FSIP1: variants seen among roughly 807,000 people sequenced by gnomAD.
FSIP1 encodes fibrous sheath interacting protein 1.
FSIP1 carries 65 observed loss-of-function variants against 60.9 expected under a neutral mutation model. The observed-to-expected ratio is 1.07, with a 90% CI of 0.87 to 1.31. The LOEUF (loss-of-function observed/expected upper bound fraction) is 1.31. Among genes scored for constraint, FSIP1 ranks in the 40% most tolerant of loss-of-function variants. The probability of loss-of-function intolerance (pLI) is 0.00; values close to 1 mark genes in which losing one functional copy is unlikely to be tolerated. For synonymous variants in FSIP1, 209 were observed against 221.2 expected, an observed-to-expected ratio of 0.94 and a Z score of 0.49; for missense variants, 675 against 665.5, an observed-to-expected ratio of 1.01 and a Z score of -0.16.
rs1896578451 is a variant in FSIP1 at position 39,735,639 on chromosome 15, TTTTC to T, written c.891+2448_891+2451del. Among the ~76,000 whole-genome samples the T allele has an allele frequency of 2.0e-5, 3 of 152,216 alleles. No homozygotes were observed. In the South Asian group the frequency reaches 6.2e-4, roughly 32 times the overall value. On this transcript the variant is annotated intron_variant, in intron 8 of 11. Coordinates refer to ENST00000350221, the MANE Select transcript of FSIP1 (RefSeq NM_152597.5). Reference sequence around the variant, plus strand: ...CTACACTAAATTTATTTTAAAATATTTTTCTTTATTTAATAATAAAGGAATTTTT... The same window carrying T: ...CTACACTAAATTTATTTTAAAATATTTTTATTTAATAATAAAGGAATTTTT...
chr15:39,751,213 T>C (rs1595693228), intron 5 of FSIP1, among the ~76,000 whole-genome samples: 1 of 151,746 alleles, frequency 6.6e-6, no homozygotes, highest in East Asian at 1.9e-4. Flanking sequence ...AATATGAAGG[T>C]TTCTAAAGAA....
intron 10 of FSIP1, among the ~76,000 whole-genome samples, chr15:39,669,232 C>T (rs911937962): frequency 2.0e-5 from 3 of 152,172 alleles, no homozygotes; most frequent in Non-Finnish European, 4.4e-5. Flanking sequence ...AAGGGCTGTC[C>T]ACTTCAGCCT....
chr15:39,745,108 G>A (rs1290226381), intron 5 of FSIP1, among the ~76,000 whole-genome samples: 18 of 99,704 alleles, frequency 1.8e-4, no homozygotes, highest in African/African-American at 5.9e-4. Flanking sequence ...CCCCCACCCC[G>A]CCATCCCCAG....
chr15:39,690,263 G>A (rs184430636), intron 10 of FSIP1, among the ~76,000 whole-genome samples: 54 of 152,240 alleles, frequency 3.5e-4, no homozygotes, highest in African/African-American at 1.3e-3. Context: ...TGTTAATCAG[G>A]GGAGTGACAT....
At chr15:39,752,288 C>A (rs1393962636) in intron 5 of FSIP1, among the ~76,000 whole-genome samples, 1 of 151,850 alleles carries the variant, frequency 6.6e-6, no homozygotes, top group Non-Finnish European at 1.5e-5. Flanking sequence ...AGTTAGAGAT[C>A]CAGTTTTATC....
At chr15:39,706,330 G>T (rs878921922) in intron 10 of FSIP1, among the ~76,000 whole-genome samples, 31 of 152,048 alleles carry the variant, frequency 2.0e-4, no homozygotes, top group Admixed American at 2.0e-3. Flanking sequence ...TCCAAATATC[G>T]CTGTCCCAAT....
At chr15:39,683,087 A>C (rs1389187811) in intron 10 of FSIP1, among the ~76,000 whole-genome samples, 1 of 152,184 alleles carries the variant, frequency 6.6e-6, no homozygotes, top group Non-Finnish European at 1.5e-5. Context: ...GGTTCTTGGA[A>C]AACAGGTCAG....
At chr15:39,709,238 G>A (rs1895398040) in intron 10 of FSIP1, among the ~76,000 whole-genome samples, 1 of 152,164 alleles carries the variant, frequency 6.6e-6, no homozygotes, top group Non-Finnish European at 1.5e-5. Flanking sequence ...CACCAATTCA[G>A]TGGCCACAGA....
intron 2 of FSIP1, among the ~76,000 whole-genome samples, chr15:39,773,436 CTG>C (rs1218317546): frequency 1.3e-5 from 2 of 152,170 alleles, no homozygotes. Context: ...AGAGTTTAAC[CTG>C]TAGCTTAGTA....
intron 10 of FSIP1, among the ~76,000 whole-genome samples, chr15:39,662,439 G>A (rs1426769459): frequency 2.0e-5 from 3 of 152,112 alleles, no homozygotes; most frequent in Non-Finnish European, 4.4e-5. Flanking sequence ...AAAAAAGGAG[G>A]CGGAAAGATT....
chr15:39,681,424 A>AT (rs1240884251), intron 10 of FSIP1, among the ~76,000 whole-genome samples: 1 of 152,138 alleles, frequency 6.6e-6, no homozygotes, highest in African/African-American at 2.4e-5. Flanking sequence ...GACAATAAAG[A>AT]TTTTTTAAAA....
At chr15:39,613,346 T>C (rs974129551) in intron 11 of FSIP1, among the ~76,000 whole-genome samples, 6 of 152,188 alleles carry the variant, frequency 3.9e-5, no homozygotes, top group Non-Finnish European at 8.8e-5. Context: ...AGATATTTTA[T>C]TGGATAACCT....
At chr15:39,662,064 T>C (rs1893317242) in intron 10 of FSIP1, among the ~76,000 whole-genome samples, 1 of 152,170 alleles carries the variant, frequency 6.6e-6, no homozygotes, top group African/African-American at 2.4e-5. Flanking sequence ...GGGCAGTATC[T>C]AGTTTTCAGA....
intron 1 of FSIP1, among the ~76,000 whole-genome samples, chr15:39,782,035 ATATAT>A (rs1479973787): frequency 6.6e-6 from 1 of 152,236 alleles, no homozygotes; most frequent in African/African-American, 2.4e-5. Flanking sequence ...CATCCATAAA[ATATAT>A]TAGAATTGCT....
chr15:39,674,154 A>G (rs530747744), intron 10 of FSIP1, among the ~76,000 whole-genome samples: 2,782 of 151,326 alleles, frequency 0.018, 33 homozygotes, highest in South Asian at 0.031. Context: ...TCCCGGGTTC[A>G]TGCCATTCTC....
At chr15:39,752,653 T>TA (rs1300285640) in intron 5 of FSIP1, among the ~76,000 whole-genome samples, 1 of 151,608 alleles carries the variant, frequency 6.6e-6, no homozygotes, top group Non-Finnish European at 1.5e-5. Flanking sequence ...TCATTAAAAA[T>TA]AAAAAAAGTC....
At chr15:39,727,445 G>A (rs569264455) in intron 8 of FSIP1, among the ~76,000 whole-genome samples, 1 of 152,316 alleles carries the variant, frequency 6.6e-6, no homozygotes, top group African/African-American at 2.4e-5. Flanking sequence ...TGAGCAGGAA[G>A]GGGCTGGAGA....
intron 10 of FSIP1, among the ~76,000 whole-genome samples, chr15:39,691,321 T>C (rs1300513803): frequency 6.6e-6 from 1 of 152,212 alleles, no homozygotes; most frequent in East Asian, 1.9e-4. Flanking sequence ...ACTGCTCCTG[T>C]TCTGAGTGCC....
At chr15:39,666,977 A>G (rs1450181451) in intron 10 of FSIP1, among the ~76,000 whole-genome samples, 9 of 152,310 alleles carry the variant, frequency 5.9e-5, no homozygotes, top group Non-Finnish European at 1.5e-5. Flanking sequence ...TCTAGAGATT[A>G]CCATTCTTCA....
Sources: allele counts gnomAD v4.1 joint callset (sites outside exome capture counted in the v4.1 genomes callset), GRCh38; gene constraint gnomAD v4.1.1; transcripts MANE v1.5; gene names NCBI Gene and HGNC (gene_info 2026-07-23, HGNC 2026-07-21).